Variants in PRKG1 observed in about 807,000 individuals in gnomAD.
The protein encoded by PRKG1 is protein kinase cGMP-dependent 1.
PRKG1 carries 35 observed loss-of-function variants against 88.1 expected under a neutral mutation model. The observed-to-expected ratio is 0.40, with a 90% confidence interval of 0.30 to 0.53. The LOEUF (loss-of-function observed/expected upper bound fraction) is 0.53. Among genes scored for constraint, PRKG1 ranks in the 20% least tolerant of loss-of-function variants. PRKG1 has a pLI of 0.59. For synonymous variants in PRKG1, 303 were observed against 292.5 expected (o/e 1.04, Z -0.37); for missense variants, 540 against 839.8 (o/e 0.64, Z 4.41).
intron 3 of PRKG1, among the ~76,000 whole-genome samples, chr10:51,611,478 CT>C (rs144622120): frequency 0.047 from 5,917 of 125,046 alleles, 175 homozygotes; most frequent in Middle Eastern, 0.11. Context: ...ATTATTTGCC[CT>C]TTTTTAAAAA....
intron 5 of PRKG1, among the ~76,000 whole-genome samples, chr10:51,989,486 G>A (rs924044485): frequency 3.9e-5 from 6 of 152,110 alleles, no homozygotes; most frequent in South Asian, 4.1e-4. Flanking sequence ...TATAGAGACA[G>A]TCCCTGTGCT....
Position 51,405,114 on chromosome 10 carries a change from G to T in PRKG1, c.479-62609G>T, listed in dbSNP as rs577013248. Reference sequence around the variant, plus strand: ...TTCTATAAATTTGCCTTCATTAAGTGGAGGGCAGTTGGATAATGTTTATTT... The same window carrying T: ...TTCTATAAATTTGCCTTCATTAAGTTGAGGGCAGTTGGATAATGTTTATTT... On this transcript the variant is annotated intron_variant, in intron 2 of 17. Transcript: ENST00000373980. Among the ~76,000 whole-genome samples the T allele has an allele frequency of 3.5e-3, 531 of 152,282 alleles. 1 individual carries two copies. Among genetic ancestry groups the T allele is most frequent in the African/African-American group, 0.012 (509 of 41,560 alleles).
intron 2 of PRKG1, among the ~76,000 whole-genome samples, chr10:51,351,835 G>A (rs1282061238): frequency 6.6e-6 from 1 of 152,008 alleles, no homozygotes; most frequent in Non-Finnish European, 1.5e-5. Context: ...TGTCCTGAAT[G>A]GTATTGCCTA....
intron 5 of PRKG1, among the ~76,000 whole-genome samples, chr10:51,989,155 A>G (rs1844238113): frequency 6.6e-6 from 1 of 152,114 alleles, no homozygotes; most frequent in Non-Finnish European, 1.5e-5. Flanking sequence ...GTGCAAGGAA[A>G]CAACAACAAC....
In PRKG1 at chr10:52,265,929, T is replaced by C. The variant is rs532213068; in HGVS notation, c.1174-5421T>C. On this transcript the variant is annotated intron_variant, in intron 10 of 17. Coordinates refer to ENST00000373980, the MANE Select transcript of PRKG1 (RefSeq NM_006258.4). ...CGATTCTAATTTCTAATATAGCACA[T>C]AGCATTTCTTATATAAAATAAAATG... is the stretch of plus-strand genomic sequence containing the variant. Among the ~76,000 whole-genome samples, 7 of 152,180 alleles carry C rather than the reference T, an allele frequency of 4.6e-5. No homozygotes were observed. The East Asian group carries it at 1.4e-3, about 29-fold the overall frequency.
At chr10:51,265,078 G>A (rs1839805302) in intron 2 of PRKG1, among the ~76,000 whole-genome samples, 1 of 151,922 alleles carries the variant, frequency 6.6e-6, no homozygotes, top group Non-Finnish European at 1.5e-5. Context: ...CAGTAAGAGA[G>A]TTGTGCATGC....
intron 7 of PRKG1, among the ~76,000 whole-genome samples, chr10:52,099,906 G>C (rs576706425): frequency 6.6e-6 from 1 of 152,344 alleles, no homozygotes; most frequent in African/African-American, 2.4e-5. Context: ...ATTTGGCACA[G>C]TGCTTGGCAT....
intron 2 of PRKG1, among the ~76,000 whole-genome samples, chr10:51,299,246 C>T (rs1286099807): frequency 6.7e-6 from 1 of 149,016 alleles, no homozygotes; most frequent in Non-Finnish European, 1.5e-5. Context: ...CACTGTGTTA[C>T]CCAGGCTAGA....
At chr10:51,223,964 C>T (rs917341381) in intron 2 of PRKG1, among the ~76,000 whole-genome samples, 1 of 152,074 alleles carries the variant, frequency 6.6e-6, no homozygotes, top group Non-Finnish European at 1.5e-5. Flanking sequence ...TGATTAGGAG[C>T]AGGTTTTTAT....
rs74996825 is a variant in PRKG1, at chr10:51,138,618, T to C, written c.312-14546T>C. ...CTAATTTTGATTTAGTTCAGGTTGATTGCTATTTTGCTTTGATAAATGAGG... is the reference window on the plus strand; with the variant it reads ...CTAATTTTGATTTAGTTCAGGTTGACTGCTATTTTGCTTTGATAAATGAGG... On this transcript the variant is annotated intron_variant, in intron 1 of 17. Coordinates refer to ENST00000373980, the MANE Select transcript of PRKG1 (RefSeq NM_006258.4). Among the ~76,000 whole-genome samples the C allele has an allele frequency of 4.0e-3, 606 of 151,950 alleles. 8 individuals are homozygous for C. The highest frequency in any genetic ancestry group is 0.014 in the African/African-American group (580 of 41,466).
intron 3 of PRKG1, among the ~76,000 whole-genome samples, chr10:51,603,791 A>T (rs1838679848): frequency 6.6e-6 from 1 of 152,190 alleles, no homozygotes; most frequent in Admixed American, 6.5e-5. Flanking sequence ...TAAGGTGATG[A>T]CATAGAGTGA....
chr10:52,210,509 C>A (rs1839941845), intron 9 of PRKG1, among the ~76,000 whole-genome samples: 1 of 152,106 alleles, frequency 6.6e-6, no homozygotes, highest in Non-Finnish European at 1.5e-5. Context: ...TATAACAATT[C>A]TCACGGTAGG....
chr10:51,602,472 A>T (rs1408005998), intron 3 of PRKG1, among the ~76,000 whole-genome samples: 2 of 149,830 alleles, frequency 1.3e-5, no homozygotes, highest in South Asian at 2.1e-4. Flanking sequence ...TTGAGATGGG[A>T]TCTCACTCTG....
chr10:51,289,634 A>G (rs1840531321), intron 2 of PRKG1, among the ~76,000 whole-genome samples: 1 of 152,006 alleles, frequency 6.6e-6, no homozygotes, highest in Non-Finnish European at 1.5e-5. Flanking sequence ...TCTACCTAAG[A>G]CTTTCTGAGT....
chr10:51,050,132 C>G (rs868170937), intron 1 of PRKG1, among the ~76,000 whole-genome samples: 3 of 151,826 alleles, frequency 2.0e-5, no homozygotes, highest in South Asian at 2.1e-4. Context: ...CTTGAAAACA[C>G]TAACATATTC....
intron 2 of PRKG1, among the ~76,000 whole-genome samples, chr10:51,386,280 T>A (rs745519838): frequency 2.0e-5 from 3 of 152,036 alleles, no homozygotes; most frequent in Non-Finnish European, 2.9e-5. Flanking sequence ...TCTATAGCAG[T>A]CATGTATTAC....
chr10:51,247,402 A>C (rs1193886291), intron 2 of PRKG1, among the ~76,000 whole-genome samples: 1 of 152,050 alleles, frequency 6.6e-6, no homozygotes, highest in African/African-American at 2.4e-5. Flanking sequence ...AAAGAATTAC[A>C]TGAGCAAAAC....
chr10:52,101,604 C>T (rs756290207), intron 7 of PRKG1, among the ~76,000 whole-genome samples: 26 of 152,152 alleles, frequency 1.7e-4, no homozygotes, highest in Non-Finnish European at 3.2e-4. Context: ...AAGTACTTAT[C>T]TAAATAATTC....
intron 5 of PRKG1, among the ~76,000 whole-genome samples, chr10:51,966,701 A>C (rs528014025): frequency 6.6e-6 from 1 of 152,268 alleles, no homozygotes; most frequent in African/African-American, 2.4e-5. Context: ...CTCTTCACCT[A>C]TTTGTGCAAA....
Sources: allele counts gnomAD v4.1 joint callset (sites outside exome capture counted in the v4.1 genomes callset), GRCh38; gene constraint gnomAD v4.1.1; transcripts MANE v1.5; gene names NCBI Gene and HGNC (gene_info 2026-07-23, HGNC 2026-07-21).